FTO: variants seen among roughly 807,000 people sequenced by gnomAD.
FTO encodes alpha-ketoglutarate-dependent dioxygenase FTO.
In FTO, 47 loss-of-function variants were observed where a neutral mutation model predicts 63.9. That is an observed-to-expected ratio of 0.74 (90% CI 0.58 to 0.94). The LOEUF is 0.94. FTO is among the 40% of genes least tolerant of loss of function. FTO has a pLI of 0.00. For synonymous variants in FTO, 207 were observed against 224.4 expected (o/e 0.92, Z 0.69); for missense variants, 562 against 618.1 (o/e 0.91, Z 0.96).
intron 8 of FTO, among the ~76,000 whole-genome samples, chr16:53,946,832 A>G (rs571492588): frequency 7.7e-4 from 117 of 152,190 alleles, no homozygotes; most frequent in Non-Finnish European, 1.3e-3. Context: ...GGCAACTGCA[A>G]TGAACCCTCG....
intron 8 of FTO, chr16:54,052,418 T>A (rs1231017800): frequency 6.6e-6 from 1 of 152,206 alleles, no homozygotes; most frequent in African/African-American, 2.4e-5. Flanking sequence ...ACAGTGCAGC[T>A]GGATGGCTGG....
chr16:53,751,007 A>C (rs1379952373), intron 1 of FTO, among the ~76,000 whole-genome samples: 1 of 152,214 alleles, frequency 6.6e-6, no homozygotes, highest in Non-Finnish European at 1.5e-5. Context: ...ACGTTTATTT[A>C]ATTTTCATAT....
chr16:54,084,797 G>A (rs1179175963), intron 8 of FTO, among the ~76,000 whole-genome samples: 2 of 152,158 alleles, frequency 1.3e-5, no homozygotes, highest in Non-Finnish European at 2.9e-5. Flanking sequence ...GAGGGCTGCT[G>A]AGAGGGGGTA....
intron 8 of FTO, among the ~76,000 whole-genome samples, chr16:53,983,954 G>A (rs1221865975): frequency 1.3e-5 from 2 of 152,188 alleles, no homozygotes; most frequent in African/African-American, 2.4e-5. Context: ...GCTAGCTTTG[G>A]CCTACAAGCC....
chr16:53,945,362 A>G (rs1244406618), intron 8 of FTO, among the ~76,000 whole-genome samples: 1 of 152,254 alleles, frequency 6.6e-6, no homozygotes, highest in African/African-American at 2.4e-5. Flanking sequence ...ACCGAGGCAC[A>G]GAGGTGCAGA....
intron 8 of FTO, among the ~76,000 whole-genome samples, chr16:53,967,872 G>A (rs766176190): frequency 1.3e-5 from 2 of 152,202 alleles, no homozygotes; most frequent in Non-Finnish European, 2.9e-5. Context: ...GTGCTTGTGT[G>A]TACATCTTTT....
chr16:54,110,852 C>T (rs1376248930), intron 8 of FTO, among the ~76,000 whole-genome samples: 3 of 152,164 alleles, frequency 2.0e-5, no homozygotes, highest in South Asian at 2.1e-4. Context: ...CCAGGAGAGT[C>T]GAGAAATTGT....
At chr16:53,764,475 C>CAAAAAA (rs56906281) in intron 1 of FTO, among the ~76,000 whole-genome samples, 4,144 of 118,392 alleles carry the variant, frequency 0.035, 150 homozygotes, top group East Asian at 0.3. Context: ...ACTAAAAATA[C>CAAAAAA]AAAAAAAAAA....
chr16:53,985,519 G>A (rs1349467620), intron 8 of FTO, among the ~76,000 whole-genome samples: 1 of 152,186 alleles, frequency 6.6e-6, no homozygotes, highest in East Asian at 1.9e-4. Context: ...ACCCTTTGGG[G>A]TCTTTGCTGA....
intron 1 of FTO, among the ~76,000 whole-genome samples, chr16:53,757,108 A>G (rs531848665): frequency 5.8e-4 from 88 of 152,334 alleles, no homozygotes; most frequent in African/African-American, 2.0e-3. Context: ...ATTTTTAAAA[A>G]TACGACAAAA....
intron 7 of FTO, among the ~76,000 whole-genome samples, chr16:53,922,138 A>C (rs1290280619): frequency 6.6e-6 from 1 of 152,136 alleles, no homozygotes; most frequent in Non-Finnish European, 1.5e-5. Context: ...CTTTGTAGAG[A>C]TCTTGGATTG....
intron 8 of FTO, among the ~76,000 whole-genome samples, chr16:54,042,131 G>A (rs1444085632): frequency 2.6e-5 from 4 of 151,892 alleles, no homozygotes; most frequent in South Asian, 2.1e-4. Flanking sequence ...GAACAGCTCC[G>A]GTCTACAGCT....
chr16:53,771,277 C>T (rs1259957534), intron 1 of FTO, among the ~76,000 whole-genome samples: 4 of 152,096 alleles, frequency 2.6e-5, no homozygotes, highest in Non-Finnish European at 5.9e-5. Flanking sequence ...TTGTTCAGAC[C>T]AAAAACCCTG....
intron 1 of FTO, among the ~76,000 whole-genome samples, chr16:53,800,726 T>A (rs954946537): frequency 1.3e-5 from 2 of 151,456 alleles, no homozygotes; most frequent in African/African-American, 2.4e-5. Flanking sequence ...ATGAAATGAC[T>A]TTTTCTCTTG....
chr16:53,875,340 G>A (rs1035622138), intron 5 of FTO, among the ~76,000 whole-genome samples: 1 of 152,104 alleles, frequency 6.6e-6, no homozygotes, highest in African/African-American at 2.4e-5. Flanking sequence ...GGTTCAAAGG[G>A]CTGTACAAAA....
chr16:54,029,946 CT>C (rs1166901985), intron 8 of FTO, among the ~76,000 whole-genome samples: 1 of 152,186 alleles, frequency 6.6e-6, no homozygotes, highest in East Asian at 1.9e-4. Context: ...AAATTTTTAA[CT>C]CATGCAGTAA....
intron 8 of FTO, among the ~76,000 whole-genome samples, chr16:53,975,862 C>T (rs965961105): frequency 3.3e-5 from 5 of 152,044 alleles, no homozygotes; most frequent in Non-Finnish European, 7.4e-5. Flanking sequence ...TATATGAATT[C>T]ATATACTGAT....
At chr16:53,950,156 A>T (rs1312711545) in intron 8 of FTO, among the ~76,000 whole-genome samples, 1 of 60,700 alleles carries the variant, frequency 1.6e-5, no homozygotes, top group Non-Finnish European at 2.7e-5. Flanking sequence ...TCACATTTGT[A>T]AAAAAAAAAA....
At chr16:53,894,653 A>AT (rs2081234038) in intron 7 of FTO, among the ~76,000 whole-genome samples, 2 of 122,686 alleles carry the variant, frequency 1.6e-5, no homozygotes, top group African/African-American at 5.7e-5. Flanking sequence ...TGTGTGTATA[A>AT]TTTTTTTCAC....
Sources: allele counts gnomAD v4.1 joint callset (sites outside exome capture counted in the v4.1 genomes callset), GRCh38; gene constraint gnomAD v4.1.1; transcripts MANE v1.5; gene names NCBI Gene and HGNC (gene_info 2026-07-23, HGNC 2026-07-21).